Variants in PPP1R14C observed in about 807,000 individuals in gnomAD.
PPP1R14C encodes the protein protein phosphatase 1 regulatory inhibitor subunit 14C.
Under a neutral mutation model 20.4 loss-of-function variants are expected in PPP1R14C, and 16 were observed. The observed-to-expected ratio is 0.78, with a 90% confidence interval of 0.53 to 1.19. The LOEUF (loss-of-function observed/expected upper bound fraction) is 1.19, where lower values mean the gene tolerates loss of function less well. PPP1R14C is among the 50% of genes most tolerant of loss of function. The probability of loss-of-function intolerance (pLI) is 0.00; values close to 1 mark genes in which losing one functional copy is unlikely to be tolerated. For synonymous variants in PPP1R14C, 91 were observed against 91.0 expected, an observed-to-expected ratio of 1.00 and a Z score of 0.00; for missense variants, 211 against 220.1, an observed-to-expected ratio of 0.96 and a Z score of 0.26.
At chr6:150,214,918 CT>C (rs1778071935) in intron 2 of PPP1R14C, 91 bp downstream of exon 2, 16 of 899,068 alleles carry the variant, frequency 1.8e-5, no homozygotes, top group Non-Finnish European at 5.3e-6. Flanking sequence ...TGATTCCGCC[CT>C]GTGGTGGTGT....
chr6:150,184,374 C>T (rs1777654139), intron 1 of PPP1R14C, among the ~76,000 whole-genome samples: 1 of 152,176 alleles, frequency 6.6e-6, no homozygotes, highest in African/African-American at 2.4e-5. Flanking sequence ...GCACGACAGT[C>T]ATATGCTGCA....
At chr6:150,193,949 G>A (rs2114890243) in intron 1 of PPP1R14C, among the ~76,000 whole-genome samples, 1 of 152,216 alleles carries the variant, frequency 6.6e-6, no homozygotes, top group Admixed American at 6.5e-5. Flanking sequence ...TGCGTGTTGT[G>A]GGAGGGACCC....
At chr6:150,180,023 A>G (rs948039337) in intron 1 of PPP1R14C, among the ~76,000 whole-genome samples, 2 of 152,104 alleles carry the variant, frequency 1.3e-5, no homozygotes, top group Non-Finnish European at 2.9e-5. Flanking sequence ...CCAACATGAC[A>G]AGACCCTGTC....
chr6:150,239,702 G>A (rs867240972), intron 3 of PPP1R14C, among the ~76,000 whole-genome samples: 2 of 152,110 alleles, frequency 1.3e-5, no homozygotes, highest in African/African-American at 4.8e-5. Context: ...TAAACCCAAA[G>A]CAAGGTGGAG....
chr6:150,160,326 G>A (rs912529500), intron 1 of PPP1R14C, among the ~76,000 whole-genome samples: 25 of 146,342 alleles, frequency 1.7e-4, no homozygotes, highest in Middle Eastern at 3.2e-3. Context: ...GTGCAGTGGC[G>A]CGATCTCGGC....
intron 1 of PPP1R14C, among the ~76,000 whole-genome samples, chr6:150,200,209 CACA>C (rs1401071811): frequency 6.6e-6 from 1 of 151,150 alleles, no homozygotes; most frequent in African/African-American, 2.4e-5. Flanking sequence ...CACACATGTA[CACA>C]ACACACACAC....
At chr6:150,234,029 A>G (rs1367612449) in intron 3 of PPP1R14C, among the ~76,000 whole-genome samples, 1 of 152,190 alleles carries the variant, frequency 6.6e-6, no homozygotes, top group Non-Finnish European at 1.5e-5. Flanking sequence ...ACATGGGGAG[A>G]GTGTGCGAAT....
At chr6:150,158,285 G>A (rs943093037) in intron 1 of PPP1R14C, among the ~76,000 whole-genome samples, 2 of 152,086 alleles carry the variant, frequency 1.3e-5, no homozygotes, top group African/African-American at 4.8e-5. Context: ...TTGACCCAAT[G>A]GGGGGCAGAG....
chr6:150,181,368 A>T (rs1389258819), intron 1 of PPP1R14C, among the ~76,000 whole-genome samples: 1 of 152,046 alleles, frequency 6.6e-6, no homozygotes, highest in Non-Finnish European at 1.5e-5. Flanking sequence ...ATTATTATTC[A>T]AGGGTGTTTT....
chr6:150,231,599 T>C (rs1424493360), intron 3 of PPP1R14C, among the ~76,000 whole-genome samples: 2 of 152,240 alleles, frequency 1.3e-5, no homozygotes, highest in African/African-American at 4.8e-5. Flanking sequence ...CTGCAAAACT[T>C]TGAGCAGCTC....
At chr6:150,245,031 CCA>C (rs1239965893) in intron 3 of PPP1R14C, among the ~76,000 whole-genome samples, 1 of 152,098 alleles carries the variant, frequency 6.6e-6, no homozygotes, top group Non-Finnish European at 1.5e-5. Flanking sequence ...GTTTTTCCCT[CCA>C]GTTTTCCCAC....
At chr6:150,168,577 T>C (rs1777463555) in intron 1 of PPP1R14C, among the ~76,000 whole-genome samples, 1 of 100,846 alleles carries the variant, frequency 9.9e-6, no homozygotes. Context: ...AACCCTTGAT[T>C]CACAGCAGCC....
intron 3 of PPP1R14C, among the ~76,000 whole-genome samples, chr6:150,237,537 T>C (rs1248502262): frequency 1.3e-5 from 2 of 152,278 alleles, no homozygotes; most frequent in East Asian, 3.9e-4. Context: ...ATTTGTAGAC[T>C]GGAAAGTTCA....
intron 1 of PPP1R14C, chr6:150,194,460 G>A (rs1777780324): frequency 5.5e-5 from 54 of 983,028 alleles, no homozygotes; most frequent in Non-Finnish European, 6.4e-5. Context: ...AGTGGCATGT[G>A]TAATTTAGTG....
chr6:150,187,247 C>CTCTGTGTGTGTG (rs1394033275), intron 1 of PPP1R14C, among the ~76,000 whole-genome samples: 5 of 141,496 alleles, frequency 3.5e-5, no homozygotes, highest in Admixed American at 2.1e-4. Flanking sequence ...TTCTCTTTCT[C>CTCTGTGTGTGTG]TGTGTGTGTG....
chr6:150,212,357 G>A (rs977010199), intron 1 of PPP1R14C, among the ~76,000 whole-genome samples: 2 of 152,176 alleles, frequency 1.3e-5, no homozygotes, highest in African/African-American at 4.8e-5. Context: ...TCAGGGGTTG[G>A]GGAAAATGGG....
At chr6:150,195,742 T>C (rs1777796740) in intron 1 of PPP1R14C, 1 of 493,430 alleles carries the variant, frequency 2.0e-6, no homozygotes, top group Non-Finnish European at 2.6e-6. Flanking sequence ...ACATTTACTA[T>C]TTTTTTTTGC....
Position 150,249,650 on chromosome 6 carries a change from T to A in PPP1R14C, c.*830T>A, listed in dbSNP as rs573909856. On this transcript the variant is annotated 3_prime_UTR_variant, in exon 4 of 4. Transcript: ENST00000361131. ...CACACTATCTCAGTGGTATTTTGCA[T>A]TGGAAAAAGGAAGCACTGTGTAGCA... 2.5e-6 allele frequency: 1 copy of A among 398,032 alleles called. No individual in the cohort carries two copies. The highest frequency in any genetic ancestry group is 3.6e-5 in the East Asian group (1 of 28,076). The allele number at this position is 398,032 out of a possible 1,614,324, so 24.7% of individuals were successfully genotyped here.
rs577529597 is a variant in PPP1R14C at position 150,235,665 on chromosome 6, G to A, written c.424-13081G>A. Among the ~76,000 whole-genome samples the A allele has an allele frequency of 6.6e-5, 10 of 152,250 alleles. No individual in the cohort carries two copies. The East Asian group carries it at 7.7e-4, about 12-fold the overall frequency. ...GTGGGCAGAAAAGTCAGCATTCCAC[G>A]CACTCTATTCTTCCTTTCCTCCTTC... On this transcript the variant is annotated intron_variant, in intron 3 of 3. Coordinates refer to ENST00000361131, the MANE Select transcript of PPP1R14C (RefSeq NM_030949.3).
Sources: gnomAD v4.1 joint callset for allele counts (sites outside exome capture counted in the v4.1 genomes callset) on GRCh38, gnomAD v4.1.1 for gene constraint, MANE v1.5 for transcripts, NCBI Gene and HGNC (gene_info 2026-07-23, HGNC 2026-07-21) for gene names.